Variants in SLC18A1 observed in about 807,000 individuals in gnomAD.
SLC18A1 encodes solute carrier family 18 member A1.
SLC18A1 carries 69 observed loss-of-function variants against 53.7 expected under a neutral mutation model. That is an observed-to-expected ratio of 1.28 (90% CI 1.06 to 1.57). The LOEUF (loss-of-function observed/expected upper bound fraction) is 1.57. SLC18A1 is among the 40% of genes most tolerant of loss of function. The probability of loss-of-function intolerance (pLI) is 0.00; values close to 1 mark genes in which losing one functional copy is unlikely to be tolerated. For missense variants in SLC18A1, 932 were observed against 668.1 expected, an observed-to-expected ratio of 1.40 and a Z score of -4.35; for synonymous variants, 320 against 248.1, an observed-to-expected ratio of 1.29 and a Z score of -2.72.
At chr8:20,147,801 A>G (rs575708474) in intron 13 of SLC18A1, 79 bp from the exon 14 acceptor site, 4 of 1,573,634 alleles carry the variant, frequency 2.5e-6, no homozygotes, top group Non-Finnish European at 3.5e-6. Context: ...CATTTAGTCC[A>G]TTTGCTTTGT....
chr8:20,180,232 T>C (rs1224408298), intron 2 of SLC18A1, among the ~76,000 whole-genome samples: 1 of 151,774 alleles, frequency 6.6e-6, no homozygotes, highest in African/African-American at 2.4e-5. Context: ...CTATGAATAA[T>C]GAGAAGTGAT....
At chr8:20,177,395 A>C (rs904135094) in intron 4 of SLC18A1, among the ~76,000 whole-genome samples, 2 of 152,226 alleles carry the variant, frequency 1.3e-5, no homozygotes, top group Non-Finnish European at 2.9e-5. Context: ...AAAGGTAATA[A>C]GAAAAATGAG....
At chr8:20,165,136 A>G (rs750814409) in intron 8 of SLC18A1, 29 bp from the exon 9 acceptor site, 3 of 1,587,496 alleles carry the variant, frequency 1.9e-6, no homozygotes, top group African/African-American at 2.7e-5. Flanking sequence ...AAAAATGTCC[A>G]TTTGTACAGT....
chr8:20,171,251 C>A, intron 7 of SLC18A1, 105 bp from the exon 8 acceptor site: 2 of 1,392,034 alleles, frequency 1.4e-6, no homozygotes, highest in Non-Finnish European at 2.0e-6. Context: ...ATTTAACTCC[C>A]TGAGTTTCTT....
intron 8 of SLC18A1, among the ~76,000 whole-genome samples, chr8:20,170,662 G>C (rs1327864999): frequency 6.6e-6 from 1 of 152,056 alleles, no homozygotes; most frequent in African/African-American, 2.4e-5. Context: ...ATGTTGTCTA[G>C]GTGGCCCCCA....
intron 8 of SLC18A1, among the ~76,000 whole-genome samples, chr8:20,170,389 G>C (rs146813721): frequency 3.7e-4 from 56 of 152,162 alleles, no homozygotes; most frequent in Non-Finnish European, 6.9e-4. Context: ...CTCCTGGTGC[G>C]TGAAAAGCCC....
chr8:20,164,739 T>G, intron 10 of SLC18A1, 130 bp downstream of exon 10: 1 of 677,054 alleles, frequency 1.5e-6, no homozygotes, highest in Admixed American at 2.9e-5. Flanking sequence ...TTGGGCTTGA[T>G]TCATGGGTGT....
intron 4 of SLC18A1, 39 bp from the exon 5 acceptor site, chr8:20,174,483 A>AGGCAAT: frequency 6.8e-7 from 1 of 1,480,456 alleles, no homozygotes; most frequent in Non-Finnish European, 9.4e-7. Flanking sequence ...CAGTTAGCAA[A>AGGCAAT]TTGCCTTTGC....
chr8:20,178,621 T>C (rs1298155317), intron 3 of SLC18A1, 128 bp from the exon 4 acceptor site: 3 of 687,366 alleles, frequency 4.4e-6, no homozygotes, highest in Admixed American at 2.7e-5. Context: ...TGCCTCTGAA[T>C]GTAGTGTGGA....
At position 20,174,439 on chromosome 8, in the gene SLC18A1, C is replaced by T. The variant is rs762947238; in HGVS notation, c.553G>A (p.Ala185Thr). The T allele has an allele frequency of 1.9e-5, 31 of 1,612,958 alleles. No individual in the cohort carries two copies. Among genetic ancestry groups the T allele is most frequent in the Non-Finnish European group, 2.5e-5 (30 of 1,179,204 alleles). The change falls in exon 5 of 16, where the codon GCT (alanine) becomes ACT (threonine). Residue 185 changes from alanine to threonine, a missense_variant. Physicochemically the swap from Ala to Thr is moderately conservative, Grantham distance 58. Coordinates refer to ENST00000276373, the MANE Select transcript of SLC18A1 (RefSeq NM_003053.4). ...AGTAGAGTATAGGTCCCAGAAAAAG[C>T]AAACACTGGGCAGAGAGAATAGCAA... is the stretch of plus-strand genomic sequence containing the variant. ...VIMFLSTVMFAFSGTYTLLFV... is the reference protein window; with the variant it reads ...VIMFLSTVMFTFSGTYTLLFV...
intron 10 of SLC18A1, among the ~76,000 whole-genome samples, chr8:20,156,439 C>A (rs965239899): frequency 3.9e-5 from 6 of 152,202 alleles, no homozygotes; most frequent in African/African-American, 1.2e-4. Flanking sequence ...CAGGAGGTAC[C>A]CCCTTAAGGA....
intron 10 of SLC18A1, chr8:20,150,949 T>C: frequency 1.7e-6 from 1 of 575,792 alleles, no homozygotes; most frequent in Non-Finnish European, 3.1e-6. Context: ...CAAGGCTTTG[T>C]TTAGCCTCAG....
intron 10 of SLC18A1, among the ~76,000 whole-genome samples, chr8:20,158,006 T>A (rs1324084498): frequency 6.6e-6 from 1 of 152,212 alleles, no homozygotes; most frequent in African/African-American, 2.4e-5. Context: ...AGAGAATCAC[T>A]GGAAGGCCCA....
chr8:20,153,965 G>A (rs748837511), intron 10 of SLC18A1, among the ~76,000 whole-genome samples: 11 of 152,150 alleles, frequency 7.2e-5, no homozygotes, highest in Non-Finnish European at 1.0e-4. Flanking sequence ...TCATGGGAAT[G>A]AATCCCTCGT....
chr8:20,154,113 T>G (rs1375707017), intron 10 of SLC18A1, among the ~76,000 whole-genome samples: 1 of 152,226 alleles, frequency 6.6e-6, no homozygotes, highest in African/African-American at 2.4e-5. Context: ...AGGCTTCTTG[T>G]ACAGCATGTA....
rs1222064995 is a variant in SLC18A1 at position 20,147,634 on chromosome 8, A to G, written c.1299T>C (p.Ala433=). The G allele has an allele frequency of 1.2e-6, 2 of 1,614,112 alleles. No individual in the cohort carries two copies. Among genetic ancestry groups the G allele is most frequent in the South Asian group, 1.1e-5 (1 of 91,068 alleles). ...TSVYGSVYAI[A]DVAFCMGFAI... ...CAAAGCCCATGCAAAAAGCCACATC[A>G]GCGATGGCGTAGACACTCCCATACA... Residue 433 remains alanine (A), a synonymous_variant, in exon 14 of 16, where the codon GCT becomes GCC. Coordinates refer to ENST00000276373, the MANE Select transcript of SLC18A1 (RefSeq NM_003053.4).
At chr8:20,161,835 T>A (rs1450540545) in intron 10 of SLC18A1, among the ~76,000 whole-genome samples, 2 of 152,120 alleles carry the variant, frequency 1.3e-5, no homozygotes, top group Non-Finnish European at 2.9e-5. Flanking sequence ...GGCAGCCCCA[T>A]GTCTGTGGTC....
Position 20,155,070 on chromosome 8 carries a change from G to T in SLC18A1, c.1016-4326C>A, listed in dbSNP as rs566258383. Among the ~76,000 whole-genome samples, 6 of 152,248 alleles carry T rather than the reference G, an allele frequency of 3.9e-5. No individual in the cohort carries two copies. The East Asian group carries it at 1.2e-3, about 29-fold the overall frequency. On this transcript the variant is annotated intron_variant, in intron 10 of 15. Transcript: ENST00000276373. ...TCTGTGACCCACGGCTTCTAATAGA[G>T]CTATAACACTCACCACATGGCCCAA...
chr8:20,167,891 G>C lies in SLC18A1; in HGVS notation c.859-2784C>G, dbSNP rs1039557634. Among the ~76,000 whole-genome samples, 18 of 152,058 alleles carry C rather than the reference G, an allele frequency of 1.2e-4. 1 individual carries two copies. Among genetic ancestry groups the C allele is most frequent in the African/African-American group, 4.3e-4 (18 of 41,412 alleles). Reference sequence around the variant, plus strand: ...CTGCCTCGGCCTCCCAAACTGCTGGGATTACAGGCGTGAACCACCGTGCCC... The same window carrying C: ...CTGCCTCGGCCTCCCAAACTGCTGGCATTACAGGCGTGAACCACCGTGCCC... On this transcript the variant is annotated intron_variant, in intron 8 of 15. Transcript: ENST00000276373.
Sources: allele counts gnomAD v4.1 joint callset (sites outside exome capture counted in the v4.1 genomes callset), GRCh38; gene constraint gnomAD v4.1.1; transcripts MANE v1.5; gene names NCBI Gene and HGNC (gene_info 2026-07-23, HGNC 2026-07-21).